The following LRRC9 variants were observed in gnomAD, a reference collection of about 807,000 sequenced individuals.
LRRC9 encodes the protein leucine rich repeat containing 9, also known as leucine-rich repeat-containing protein 9.
LRRC9 carries 122 observed loss-of-function variants against 63.2 expected under a neutral mutation model. The observed-to-expected ratio is 1.93, with a 90% CI of 1.67 to 2.24. The LOEUF (loss-of-function observed/expected upper bound fraction) is 2.24. Ranked by LOEUF, LRRC9 falls within the 30% of genes most tolerant of loss-of-function variation. The probability of loss-of-function intolerance (pLI) is 0.00; values close to 1 mark genes in which losing one functional copy is unlikely to be tolerated. For missense variants in LRRC9, 1,071 were observed against 627.7 expected (o/e 1.71, Z -7.55); for synonymous variants, 366 against 213.1 (o/e 1.72, Z -6.25).
chr14:60,052,537 T>C (rs1893973120), intron 29 of LRRC9, among the ~76,000 whole-genome samples: 1 of 152,188 alleles, frequency 6.6e-6, no homozygotes, highest in Non-Finnish European at 1.5e-5. Flanking sequence ...CTCTTACCAA[T>C]TAAGGAATGG....
At chr14:60,018,371 A>G in exon 25 of LRRC9, 1 of 700,340 alleles carries the variant, frequency 1.4e-6, no homozygotes, top group Non-Finnish European at 2.6e-6. Flanking sequence ...CTAAATTCAG[A>G]ACAGTGGATT....
chr14:59,961,445 GAGCAGGAATGCCAA>G (rs1313667654), intron 10 of LRRC9, among the ~76,000 whole-genome samples: 1 of 152,186 alleles, frequency 6.6e-6, no homozygotes, highest in East Asian at 1.9e-4. Context: ...AACTGGAAGA[GAGCAGGAATGCCAA>G]AGCAGGATTG....
At chr14:59,957,208 T>C (rs1594870399) in intron 8 of LRRC9, among the ~76,000 whole-genome samples, 1 of 152,198 alleles carries the variant, frequency 6.6e-6, no homozygotes, top group Admixed American at 6.5e-5. Context: ...CTGGATAATA[T>C]CCTGAAGTGT....
chr14:59,971,500 A>C (rs1352737246), intron 12 of LRRC9, among the ~76,000 whole-genome samples: 1 of 152,064 alleles, frequency 6.6e-6, no homozygotes, highest in African/African-American at 2.4e-5. Flanking sequence ...AATAGCATTG[A>C]CTTTATAAAT....
rs993396779 is a variant in LRRC9, at chr14:59,922,323, C to T, written c.-34+2440C>T. On this transcript the variant is annotated intron_variant, in intron 1 of 31. Transcript: ENST00000445360. The surrounding 1 kb of genome is among the most constrained non-coding windows in gnomAD (Gnocchi z 5.3). ...TGACCTTGTAGTGGCTTGAGGTGTTCTCAGTCCAGATGGCAGTGAATCCAG... is the reference window on the plus strand; with the variant it reads ...TGACCTTGTAGTGGCTTGAGGTGTTTTCAGTCCAGATGGCAGTGAATCCAG... Among the ~76,000 whole-genome samples the T allele has an allele frequency of 5.3e-5, 8 of 152,064 alleles. No individual in the cohort carries two copies. Among genetic ancestry groups the T allele is most frequent in the Non-Finnish European group, 1.2e-4 (8 of 67,992 alleles).
chr14:60,047,528 T>C (rs1337900940), intron 29 of LRRC9, among the ~76,000 whole-genome samples: 3 of 152,150 alleles, frequency 2.0e-5, no homozygotes, highest in Non-Finnish European at 4.4e-5. Context: ...AAACAGACTT[T>C]AAACCAACAA....
intron 12 of LRRC9, 132 bp downstream of exon 12, chr14:59,967,345 A>G (rs1884967701): frequency 2.2e-5 from 10 of 459,120 alleles, no homozygotes; most frequent in Non-Finnish European, 3.5e-5. Context: ...CAAAAAGCTT[A>G]GTGTTATCAT....
At chr14:60,021,701 G>A (rs1230202307) in intron 26 of LRRC9, among the ~76,000 whole-genome samples, 2 of 151,768 alleles carry the variant, frequency 1.3e-5, no homozygotes, top group South Asian at 2.1e-4. Context: ...ATTTTTGTAT[G>A]TGGATATTCA....
intron 29 of LRRC9, among the ~76,000 whole-genome samples, chr14:60,037,622 T>C (rs1236679585): frequency 1.3e-5 from 2 of 152,226 alleles, no homozygotes; most frequent in Non-Finnish European, 2.9e-5. Flanking sequence ...TCTTTGATTT[T>C]TTCTTGAAAA....
rs950066064 is a variant in LRRC9, at chr14:59,990,585, AC to A, written c.2211+5362del. ...CACACCCTGCTAATTAAAAAAAAAA[AC>A]AATTTTGTAGAGATGGGGTTTCACT... On this transcript the variant is annotated intron_variant, in intron 17 of 31. Coordinates refer to ENST00000445360, the Ensembl canonical transcript of LRRC9. This position sits in a 1 kb window ranked among gnomAD's most constrained non-coding sequence, Gnocchi z 4.2. Among the ~76,000 whole-genome samples, 6 of 151,516 alleles carry A rather than the reference AC, an allele frequency of 4.0e-5. No individual in the cohort carries two copies. Among genetic ancestry groups the A allele is most frequent in the African/African-American group, 1.5e-4 (6 of 41,228 alleles).
Position 59,922,174 on chromosome 14 carries a change from G to A in LRRC9, c.-34+2291G>A, listed in dbSNP as rs775183979. Among the ~76,000 whole-genome samples, 13 of 152,134 alleles carry A rather than the reference G, an allele frequency of 8.5e-5. No homozygotes were observed. Among genetic ancestry groups the A allele is most frequent in the Non-Finnish European group, 1.3e-4 (9 of 68,028 alleles). ...AAATAACAAGTAGAGAGAAGCCAAGGAGAAAAGTTGAACCAAAGAAGAAAA... is the reference window on the plus strand; with the variant it reads ...AAATAACAAGTAGAGAGAAGCCAAGAAGAAAAGTTGAACCAAAGAAGAAAA... On this transcript the variant is annotated intron_variant, in intron 1 of 31. Transcript: ENST00000445360. The surrounding 1 kb of genome is among the most constrained non-coding windows in gnomAD (Gnocchi z 5.3).
Position 59,958,360 on chromosome 14 carries a change from G to A in LRRC9, c.883-1458G>A, listed in dbSNP as rs1884002120. On this transcript the variant is annotated intron_variant, in intron 8 of 31. Coordinates refer to ENST00000445360, the Ensembl canonical transcript of LRRC9. This position sits in a 1 kb window ranked among gnomAD's most constrained non-coding sequence, Gnocchi z 4.0. ...GCCCTGCCCAGTGAGGAGGAATCTA[G>A]AGAAGCAGTCTGACCACAGCTGCTT... Among the ~76,000 whole-genome samples, 1 of 152,196 alleles carries A rather than the reference G, an allele frequency of 6.6e-6. No homozygotes were observed. Among genetic ancestry groups the A allele is most frequent in the Non-Finnish European group, 1.5e-5 (1 of 68,036 alleles).
chr14:60,024,140 T>C (rs982313792), intron 27 of LRRC9, among the ~76,000 whole-genome samples: 1 of 152,160 alleles, frequency 6.6e-6, no homozygotes, highest in East Asian at 1.9e-4. Flanking sequence ...GAATGATTTA[T>C]AATCCTTTGG....
chr14:59,938,331 T>C lies in LRRC9; in HGVS notation c.544-59T>C, dbSNP rs1881273845. On this transcript the variant is annotated intron_variant, in intron 6 of 31. Coordinates refer to ENST00000445360, the Ensembl canonical transcript of LRRC9. This position sits in a 1 kb window ranked among gnomAD's most constrained non-coding sequence, Gnocchi z 4.2. Reference sequence around the variant, plus strand: ...CTATGGCTGATCTTAGGTGTTCAAATACTGCCTTTAGAAATGACAGTCACA... The same window carrying C: ...CTATGGCTGATCTTAGGTGTTCAAACACTGCCTTTAGAAATGACAGTCACA... The C allele has an allele frequency of 3.3e-6, 2 of 604,320 alleles. No homozygotes were observed. The highest frequency in any genetic ancestry group is 3.0e-6 in the Non-Finnish European group (1 of 337,580). 37.4% of individuals were successfully genotyped at this position (604,320 alleles called of 1,614,324 possible).
At chr14:60,032,117 A>G in intron 29 of LRRC9, 54 bp downstream of exon 29, 1 of 666,400 alleles carries the variant, frequency 1.5e-6, no homozygotes, top group South Asian at 1.7e-5. Flanking sequence ...GTTTTATAAA[A>G]TTTATTTTTA....
chr14:59,949,957 A>C (rs1882935389), intron 8 of LRRC9, among the ~76,000 whole-genome samples: 3 of 70,862 alleles, frequency 4.2e-5, no homozygotes, highest in Admixed American at 3.1e-4. Flanking sequence ...GTGGTGCTGA[A>C]AAAAATGTAT....
rs755671026 is a variant in LRRC9 at position 60,055,731 on chromosome 14, T to TAA, written c.4132-2133_4132-2132dup. On this transcript the variant is annotated intron_variant, in intron 30 of 31. Transcript: ENST00000445360. ...AACATGGCAAAACCTTGTCTCTATT[T>TAA]AAAAAAAAAAAAAAACAAAAAAAAC... is the stretch of plus-strand genomic sequence containing the variant. 3.3e-4 allele frequency among the ~76,000 whole-genome samples: 40 copies of TAA among 119,574 alleles called. 1 individual carries two copies. Among genetic ancestry groups the TAA allele is most frequent in the African/African-American group, 7.8e-4 (26 of 33,404 alleles). 78.4% of individuals were successfully genotyped at this position (119,574 alleles called of 152,430 possible).
At position 60,025,679 on chromosome 14, in the gene LRRC9, CAAAA is replaced by C. The variant is rs4033012; in HGVS notation, c.3704-2193_3704-2190del. 7.4e-3 allele frequency among the ~76,000 whole-genome samples: 714 copies of C among 97,128 alleles called. 11 individuals carry two copies. Among genetic ancestry groups the C allele is most frequent in the African/African-American group, 0.022 (673 of 30,930 alleles). The allele number at this position is 97,128 out of a possible 152,430, so 63.7% of individuals were successfully genotyped here. A position where few individuals can be genotyped will look rare whatever the true frequency, so the allele number is the denominator to read the frequency against. On this transcript the variant is annotated intron_variant, in intron 27 of 31. Coordinates refer to ENST00000445360, the Ensembl canonical transcript of LRRC9. ...GGTAAGGATTGTTACATATATTTTA[CAAAA>C]AAAAAAAAAAAGAAAGTGACATTCA... is the stretch of plus-strand genomic sequence containing the variant.
At chr14:59,955,779 T>G (rs2139938594) in intron 8 of LRRC9, among the ~76,000 whole-genome samples, 1 of 152,334 alleles carries the variant, frequency 6.6e-6, no homozygotes, top group South Asian at 2.1e-4. Context: ...GAGCATTTAG[T>G]GCTATAAATT....
Sources: gnomAD v4.1 joint callset for allele counts (sites outside exome capture counted in the v4.1 genomes callset) on GRCh38, gnomAD v4.1.1 for gene constraint, Gnocchi (gnomAD v3.1) non-coding constraint, MANE v1.5 for transcripts, NCBI Gene and HGNC (gene_info 2026-07-23, HGNC 2026-07-21) for gene names.